CNNM2: variants seen among roughly 807,000 people sequenced by gnomAD.
CNNM2 encodes cyclin and CBS domain divalent metal cation transport mediator 2.
In CNNM2, 12 loss-of-function variants were observed where a neutral mutation model predicts 66.9. The observed-to-expected ratio is 0.18, with a 90% CI of 0.11 to 0.29. The LOEUF is 0.29. Among genes scored for constraint, CNNM2 ranks in the 10% least tolerant of loss-of-function variants. The pLI is 1.00. For synonymous variants in CNNM2, 557 were observed against 501.8 expected (o/e 1.11, Z -1.47); for missense variants, 705 against 1,167.7 (o/e 0.60, Z 5.77).
intron 1 of CNNM2, among the ~76,000 whole-genome samples, chr10:102,933,666 T>C (rs528624708): frequency 1.3e-5 from 2 of 152,318 alleles, no homozygotes; most frequent in East Asian, 1.9e-4. Context: ...ATATCCACAA[T>C]TGGTTATTGA....
chr10:102,988,183 T>C (rs993989893), intron 1 of CNNM2, among the ~76,000 whole-genome samples: 1 of 152,026 alleles, frequency 6.6e-6, no homozygotes, highest in African/African-American at 2.4e-5. Context: ...GCGCCTGTAA[T>C]CCCAGCTACT....
At chr10:102,943,439 T>G (rs1250747203) in intron 1 of CNNM2, among the ~76,000 whole-genome samples, 1 of 151,820 alleles carries the variant, frequency 6.6e-6, no homozygotes, top group African/African-American at 2.4e-5. Context: ...AAACCCCATC[T>G]CTAAAACAAA....
At chr10:102,976,107 G>C (rs150791490) in intron 1 of CNNM2, among the ~76,000 whole-genome samples, 6 of 152,332 alleles carry the variant, frequency 3.9e-5, no homozygotes, top group African/African-American at 1.4e-4. Context: ...TCATTGAGCA[G>C]CTGAGGGGCT....
chr10:102,976,424 C>CTTTT (rs2063629795), intron 1 of CNNM2, among the ~76,000 whole-genome samples: 1 of 77,288 alleles, frequency 1.3e-5, no homozygotes, highest in Non-Finnish European at 2.7e-5. Flanking sequence ...CCAATTCTTG[C>CTTTT]CTTTTTTTTT....
chr10:103,021,428 C>T (rs1180394743), intron 1 of CNNM2, among the ~76,000 whole-genome samples: 1 of 152,104 alleles, frequency 6.6e-6, no homozygotes, highest in Non-Finnish European at 1.5e-5. Flanking sequence ...AAGGGATGGC[C>T]TTGGAGTCCC....
At chr10:102,993,221 T>TA (rs1402822188) in intron 1 of CNNM2, among the ~76,000 whole-genome samples, 1 of 152,220 alleles carries the variant, frequency 6.6e-6, no homozygotes, top group African/African-American at 2.4e-5. Flanking sequence ...ACTTATGTGA[T>TA]ATAAGGTTTG....
At chr10:102,990,830 G>A (rs555330962) in intron 1 of CNNM2, among the ~76,000 whole-genome samples, 1 of 152,234 alleles carries the variant, frequency 6.6e-6, no homozygotes, top group African/African-American at 2.4e-5. Context: ...GGTTGACGGT[G>A]TGGAACTTTA....
rs1367640322 is a variant in CNNM2 at position 103,083,770 on chromosome 10, A to C, written c.*6590A>C. On this transcript the variant is annotated 3_prime_UTR_variant, in exon 8 of 8. Transcript: ENST00000369878. ...TAACAACACACAGTGCCGCTGGGCT[A>C]AGCCGGCATTTCCTAGGTAAGACCA... 2 of 152,242 alleles carry C rather than the reference A, an allele frequency of 1.3e-5. No individual in the cohort carries two copies. Among genetic ancestry groups the C allele is most frequent in the African/African-American group, 4.8e-5 (2 of 41,462 alleles). The allele number at this position is 152,242 out of a possible 1,614,324, so 9.4% of individuals were successfully genotyped here.
At chr10:103,037,643 A>G (rs1316584288) in intron 1 of CNNM2, among the ~76,000 whole-genome samples, 1 of 152,228 alleles carries the variant, frequency 6.6e-6, no homozygotes. Context: ...AGACATAAAC[A>G]TAAAGTATAA....
At chr10:102,973,636 C>T (rs889223980) in intron 1 of CNNM2, among the ~76,000 whole-genome samples, 2 of 151,950 alleles carry the variant, frequency 1.3e-5, no homozygotes. Flanking sequence ...GGATTACAGG[C>T]ATGAGCCACT....
intron 1 of CNNM2, among the ~76,000 whole-genome samples, chr10:103,006,282 C>T (rs1410526537): frequency 6.6e-6 from 1 of 151,774 alleles, no homozygotes; most frequent in African/African-American, 2.4e-5. Flanking sequence ...TCTTGGCTCA[C>T]TGCAACCTCT....
intron 1 of CNNM2, among the ~76,000 whole-genome samples, chr10:102,944,351 TAC>T (rs1370810715): frequency 1.3e-5 from 2 of 152,182 alleles, no homozygotes; most frequent in East Asian, 3.8e-4. Context: ...GTGCTGGGAT[TAC>T]AGGCGTGAGC....
chr10:103,014,736 C>T (rs1364458676), intron 1 of CNNM2, among the ~76,000 whole-genome samples: 2 of 151,976 alleles, frequency 1.3e-5, no homozygotes, highest in Admixed American at 1.3e-4. Flanking sequence ...CTATTAAATA[C>T]CATTTACAGG....
intron 1 of CNNM2, among the ~76,000 whole-genome samples, chr10:102,981,999 A>G (rs748543331): frequency 6.6e-6 from 1 of 152,138 alleles, no homozygotes; most frequent in Non-Finnish European, 1.5e-5. Context: ...AATGGAATGC[A>G]TAAGTGCTTT....
In CNNM2 at chr10:103,084,870, A is replaced by AAT. The variant is rs2065789027; in HGVS notation, c.*7690_*7691insAT. Reference sequence around the variant, plus strand: ...GAGTTGATTTCTGGAAACTTATTTTATACTTTTTGAAGGTAATTTAAAAGA... The same window carrying AAT: ...GAGTTGATTTCTGGAAACTTATTTTAATTACTTTTTGAAGGTAATTTAAAAGA... On this transcript the variant is annotated 3_prime_UTR_variant, in exon 8 of 8. Coordinates refer to ENST00000369878, the MANE Select transcript of CNNM2 (RefSeq NM_017649.5). The AAT allele has an allele frequency of 5.3e-5, 8 of 152,154 alleles. No homozygotes were observed. Among genetic ancestry groups the AAT allele is most frequent in the Admixed American group, 5.2e-4 (8 of 15,274 alleles). 9.4% of individuals were successfully genotyped at this position (152,154 alleles called of 1,614,324 possible). A position where few individuals can be genotyped will look rare whatever the true frequency, so the allele number is the denominator to read the frequency against.
At chr10:102,971,181 G>A (rs1382108011) in intron 1 of CNNM2, among the ~76,000 whole-genome samples, 2 of 148,572 alleles carry the variant, frequency 1.3e-5, no homozygotes, top group African/African-American at 5.0e-5. Context: ...CAGCCTGGGT[G>A]ACAGAGTGAG....
intron 1 of CNNM2, among the ~76,000 whole-genome samples, chr10:103,024,932 T>C (rs1215851374): frequency 6.6e-6 from 1 of 152,150 alleles, no homozygotes; most frequent in Non-Finnish European, 1.5e-5. Context: ...CCTGACTACA[T>C]TAAACACCTT....
intron 1 of CNNM2, among the ~76,000 whole-genome samples, chr10:102,982,900 A>G (rs1295586051): frequency 2.0e-5 from 3 of 152,200 alleles, no homozygotes; most frequent in Admixed American, 1.3e-4. Flanking sequence ...TGTATGGAAA[A>G]TTAACATTAA....
chr10:103,047,917 CTTTTCTTTT>C (rs2065153509), intron 1 of CNNM2, among the ~76,000 whole-genome samples: 1 of 152,078 alleles, frequency 6.6e-6, no homozygotes, highest in Admixed American at 6.6e-5. Context: ...TTTTAATTTT[CTTTTCTTTT>C]TTTTCTTTTT....
Sources: gnomAD v4.1 joint callset for allele counts (sites outside exome capture counted in the v4.1 genomes callset) on GRCh38, gnomAD v4.1.1 for gene constraint, MANE v1.5 for transcripts, NCBI Gene and HGNC (gene_info 2026-07-23, HGNC 2026-07-21) for gene names.